AJAP1: variants seen among roughly 807,000 people sequenced by gnomAD.
AJAP1 encodes the protein adherens junctions associated protein 1.
AJAP1 carries 5 observed loss-of-function variants against 35.0 expected under a neutral mutation model. The observed-to-expected ratio is 0.14, with a 90% CI of 0.07 to 0.30. AJAP1 has a LOEUF of 0.30. Among genes scored for constraint, AJAP1 ranks in the 10% least tolerant of loss-of-function variants. The probability of loss-of-function intolerance (pLI) is 1.00; values close to 1 mark genes in which losing one functional copy is unlikely to be tolerated. For missense variants in AJAP1, 586 were observed against 571.0 expected, an observed-to-expected ratio of 1.03 and a Z score of -0.27; for synonymous variants, 284 against 249.3, an observed-to-expected ratio of 1.14 and a Z score of -1.31.
Position 4,712,371 on chromosome 1 carries a change from C to A in AJAP1, c.501C>A (p.Phe167Leu). 3 of 1,533,238 alleles carry A rather than the reference C, an allele frequency of 2.0e-6. No individual in the cohort carries two copies. The highest frequency in any genetic ancestry group is 2.6e-6 in the Non-Finnish European group (3 of 1,138,026). The allele number at this position is 1,533,238 out of a possible 1,614,324, so 95.0% of individuals were successfully genotyped here. The change falls in exon 2 of 6, where the codon TTC becomes TTA. Residue 167 changes from phenylalanine (F) to leucine (L), a missense_variant. By Grantham distance (22) the Phe-to-Leu change is conservative. Coordinates refer to ENST00000378191, the MANE Select transcript of AJAP1 (RefSeq NM_018836.4). ...RHLQGDGLSS[F>L]DSRGSRPTTE... The stretch of plus-strand genomic sequence containing the variant: ...TGCAGGGGGACGGTCTCAGCAGCTT[C>A]GACTCCAGAGGCAGCCGGCCCACCA...
intron 2 of AJAP1, 114 bp downstream of exon 2, chr1:4,712,813 A>G (rs370132591): frequency 9.3e-5 from 108 of 1,156,768 alleles, no homozygotes; most frequent in East Asian, 6.9e-4. Flanking sequence ...GCTCCAGGAG[A>G]TGCAGGCGTG....
intron 1 of AJAP1, among the ~76,000 whole-genome samples, chr1:4,665,813 G>A (rs61765003): frequency 0.15 from 23,019 of 152,216 alleles, 2,076 homozygotes; most frequent in East Asian, 0.33. Context: ...CCCCTCTCCT[G>A]GTCCTACAGG....
At chr1:4,768,317 G>C (rs1557646837) in intron 2 of AJAP1, among the ~76,000 whole-genome samples, 1 of 101,380 alleles carries the variant, frequency 9.9e-6, no homozygotes, top group Non-Finnish European at 2.5e-5. Flanking sequence ...TTCCTCCACT[G>C]TTTGCCGGAT....
rs1642079434 is a variant in AJAP1 at position 4,782,314 on chromosome 1, T to A, written c.*60-231T>A. ...AATTCCACAAGGTTCAGGCTCCCAC[T>A]TCATACCCTTGGGATTCCCAGTGTT... On this transcript the variant is annotated intron_variant, in intron 5 of 5. Transcript: ENST00000378191. This position sits in a 1 kb window ranked among gnomAD's most constrained non-coding sequence, Gnocchi z 5.3. Among the ~76,000 whole-genome samples, 1 of 152,150 alleles carries A rather than the reference T, an allele frequency of 6.6e-6. No individual in the cohort carries two copies. The highest frequency in any genetic ancestry group is 2.4e-5 in the African/African-American group (1 of 41,446).
At chr1:4,718,358 T>C (rs1475156365) in intron 2 of AJAP1, among the ~76,000 whole-genome samples, 2 of 152,346 alleles carry the variant, frequency 1.3e-5, no homozygotes, top group South Asian at 2.1e-4. Flanking sequence ...CTTCAACTTA[T>C]TGCATTTAGT....
chr1:4,711,696 C>G (rs1476730748), intron 1 of AJAP1, among the ~76,000 whole-genome samples: 1 of 152,198 alleles, frequency 6.6e-6, no homozygotes, highest in Non-Finnish European at 1.5e-5. Context: ...CGCACCCTCG[C>G]AGCGCGCGCT....
At chr1:4,728,183 T>C (rs1170224912) in intron 2 of AJAP1, among the ~76,000 whole-genome samples, 4 of 151,970 alleles carry the variant, frequency 2.6e-5, no homozygotes, top group African/African-American at 9.7e-5. Flanking sequence ...GGTCTGTGGG[T>C]GATGGGTGAA....
At chr1:4,659,899 C>T (rs548210442) in intron 1 of AJAP1, among the ~76,000 whole-genome samples, 99 of 152,294 alleles carry the variant, frequency 6.5e-4, no homozygotes, top group African/African-American at 2.3e-3. Context: ...CTTTCCATGG[C>T]GATGACCTGA....
At chr1:4,686,877 G>T (rs1193030995) in intron 1 of AJAP1, among the ~76,000 whole-genome samples, 1 of 152,154 alleles carries the variant, frequency 6.6e-6, no homozygotes, top group Non-Finnish European at 1.5e-5. Flanking sequence ...ACTTTTATTA[G>T]CCCTGCTTCT....
At chr1:4,736,032 C>T (rs920803073) in intron 2 of AJAP1, among the ~76,000 whole-genome samples, 7 of 152,208 alleles carry the variant, frequency 4.6e-5, no homozygotes, top group East Asian at 1.9e-4. Context: ...GCCTTACCTG[C>T]GCCTTACTTT....
chr1:4,722,579 C>T (rs186198482), intron 2 of AJAP1, among the ~76,000 whole-genome samples: 1 of 152,330 alleles, frequency 6.6e-6, no homozygotes, highest in Non-Finnish European at 1.5e-5. Flanking sequence ...TATTCTCCAG[C>T]TGTTTTGGAG....
chr1:4,704,059 AT>A (rs1454357590), intron 1 of AJAP1, among the ~76,000 whole-genome samples: 1 of 152,080 alleles, frequency 6.6e-6, no homozygotes, highest in Non-Finnish European at 1.5e-5. Context: ...CAAAGGAAAA[AT>A]AGTGCCCTGT....
At chr1:4,659,836 C>T (rs537440526) in intron 1 of AJAP1, among the ~76,000 whole-genome samples, 1 of 152,312 alleles carries the variant, frequency 6.6e-6, no homozygotes, top group African/African-American at 2.4e-5. Flanking sequence ...ACATGCCCGT[C>T]AATGTGCCAT....
rs1217835106 is a variant in AJAP1, at chr1:4,655,347, A to T, written c.-79A>T. On this transcript the variant is annotated 5_prime_UTR_variant, in exon 1 of 6. Coordinates refer to ENST00000378191, the MANE Select transcript of AJAP1 (RefSeq NM_018836.4). The surrounding 1 kb of genome is among the most constrained non-coding windows in gnomAD (Gnocchi z 6.9). The stretch of plus-strand genomic sequence containing the variant: ...GAGAGCCGGAGACCGGCGCCGCGGG[A>T]CGGAAGCGAGCGGGCGCGGGCGCCG... The T allele has an allele frequency of 1.4e-6, 2 of 1,380,714 alleles. No homozygotes were observed. Among genetic ancestry groups the T allele is most frequent in the Non-Finnish European group, 1.9e-6 (2 of 1,035,426 alleles). 85.5% of individuals were successfully genotyped at this position (1,380,714 alleles called of 1,614,324 possible). A position where few individuals can be genotyped will look rare whatever the true frequency, so the allele number is the denominator to read the frequency against.
At chr1:4,756,317 C>A (rs147673357) in intron 2 of AJAP1, among the ~76,000 whole-genome samples, 1 of 152,328 alleles carries the variant, frequency 6.6e-6, no homozygotes, top group African/African-American at 2.4e-5. Context: ...TATGTCCGCA[C>A]CGTGGCATCC....
intron 2 of AJAP1, among the ~76,000 whole-genome samples, chr1:4,747,985 CTG>C (rs1641229046): frequency 7.9e-6 from 1 of 127,200 alleles, no homozygotes; most frequent in African/African-American, 3.0e-5. Context: ...GAGCCAGACT[CTG>C]TCTCAAAAAA....
intron 4 of AJAP1, among the ~76,000 whole-genome samples, chr1:4,773,463 G>A (rs935799560): frequency 6.6e-6 from 1 of 152,236 alleles, no homozygotes; most frequent in African/African-American, 2.4e-5. Flanking sequence ...ATGAGCAGAT[G>A]TTCCTGAAAT....
At chr1:4,735,333 C>T (rs568039816) in intron 2 of AJAP1, among the ~76,000 whole-genome samples, 4 of 152,262 alleles carry the variant, frequency 2.6e-5, no homozygotes, top group South Asian at 4.1e-4. Context: ...CAGCCTGGAG[C>T]GTGTGGGAGG....
At chr1:4,709,697 C>T (rs1322955794) in intron 1 of AJAP1, among the ~76,000 whole-genome samples, 1 of 152,198 alleles carries the variant, frequency 6.6e-6, no homozygotes, top group Non-Finnish European at 1.5e-5. Context: ...CTTGTGGTGA[C>T]AGTGGCCCTG....
Sources: allele counts gnomAD v4.1 joint callset (sites outside exome capture counted in the v4.1 genomes callset), GRCh38; gene constraint gnomAD v4.1.1; non-coding constraint Gnocchi (gnomAD v3.1); transcripts MANE v1.5; gene names NCBI Gene and HGNC (gene_info 2026-07-23, HGNC 2026-07-21).